Variants in BTBD16 observed in about 807,000 individuals in gnomAD.
The protein encoded by BTBD16 is BTB/POZ domain-containing protein 16.
BTBD16 carries 66 observed loss-of-function variants against 67.4 expected under a neutral mutation model. The ratio of observed to expected loss-of-function variants is 0.98; its 90% CI spans 0.80 to 1.20. The LOEUF is 1.20. Ranked by LOEUF, BTBD16 falls within the 50% of genes most tolerant of loss-of-function variation. BTBD16 has a pLI of 0.00. For synonymous variants in BTBD16, 242 were observed against 236.4 expected, an observed-to-expected ratio of 1.02 and a Z score of -0.22; for missense variants, 634 against 616.0, an observed-to-expected ratio of 1.03 and a Z score of -0.31.
intron 9 of BTBD16, among the ~76,000 whole-genome samples, chr10:122,302,769 G>A (rs1294095287): frequency 6.6e-6 from 1 of 152,170 alleles, no homozygotes; most frequent in Non-Finnish European, 1.5e-5. Context: ...AGAATATTCT[G>A]AGTGAGTTAC....
At chr10:122,295,864 C>T (rs910849888) in intron 7 of BTBD16, among the ~76,000 whole-genome samples, 9 of 152,070 alleles carry the variant, frequency 5.9e-5, no homozygotes, top group Non-Finnish European at 8.8e-5. Context: ...TGGCCATGAC[C>T]AGATTATTTA....
chr10:122,289,784 C>T, intron 5 of BTBD16, 125 bp from the exon 6 acceptor site: 1 of 566,802 alleles, frequency 1.8e-6, no homozygotes, highest in Non-Finnish European at 3.1e-6. Context: ...ATCTATGAAA[C>T]AAATAAAATA....
chr10:122,331,459 T>C (rs1443581768), intron 12 of BTBD16, among the ~76,000 whole-genome samples: 2 of 152,184 alleles, frequency 1.3e-5, no homozygotes, highest in African/African-American at 4.8e-5. Flanking sequence ...ATCCGGGTAG[T>C]TCGAGCTCCC....
chr10:122,309,020 C>T (rs923168081), intron 10 of BTBD16, among the ~76,000 whole-genome samples: 67 of 152,212 alleles, frequency 4.4e-4, no homozygotes, highest in African/African-American at 1.6e-3. Context: ...ATGTATATGT[C>T]CTGCCCCTCC....
At chr10:122,328,155 C>A (rs1004717358) in intron 10 of BTBD16, among the ~76,000 whole-genome samples, 3 of 152,180 alleles carry the variant, frequency 2.0e-5, no homozygotes, top group Admixed American at 2.0e-4. Flanking sequence ...AGGCTCAGAT[C>A]ATCTGAGGAA....
At chr10:122,287,190 A>G (rs1429737738) in intron 5 of BTBD16, among the ~76,000 whole-genome samples, 3 of 152,180 alleles carry the variant, frequency 2.0e-5, no homozygotes, top group South Asian at 4.1e-4. Context: ...GTGCTGGCTC[A>G]TGAGCCTCTG....
intron 10 of BTBD16, among the ~76,000 whole-genome samples, chr10:122,308,883 C>A (rs896101676): frequency 2.6e-5 from 4 of 152,196 alleles, no homozygotes; most frequent in African/African-American, 9.7e-5. Flanking sequence ...GCTCCTTCAC[C>A]TGGGGGTCTG....
chr10:122,307,840 C>A (rs993253066), intron 10 of BTBD16, among the ~76,000 whole-genome samples: 1 of 152,176 alleles, frequency 6.6e-6, no homozygotes, highest in Non-Finnish European at 1.5e-5. Flanking sequence ...CACGTCTTCA[C>A]GTAGTGACCT....
intron 10 of BTBD16, among the ~76,000 whole-genome samples, chr10:122,323,990 G>A (rs2096439900): frequency 6.6e-6 from 1 of 152,156 alleles, no homozygotes; most frequent in African/African-American, 2.4e-5. Flanking sequence ...GTAGATTCTG[G>A]CAATGAGCTT....
chr10:122,299,685 C>G (rs759427008), intron 9 of BTBD16, among the ~76,000 whole-genome samples: 1 of 152,020 alleles, frequency 6.6e-6, no homozygotes, highest in Non-Finnish European at 1.5e-5. Flanking sequence ...TAGTCCTGGA[C>G]GCCACTTTGA....
chr10:122,288,857 G>A (rs2096368687), intron 5 of BTBD16, among the ~76,000 whole-genome samples: 1 of 152,186 alleles, frequency 6.6e-6, no homozygotes, highest in Non-Finnish European at 1.5e-5. Flanking sequence ...GAGGGGCTAG[G>A]TGGGGGCATG....
chr10:122,291,955 C>T (rs746299950), intron 7 of BTBD16, among the ~76,000 whole-genome samples: 1 of 152,108 alleles, frequency 6.6e-6, no homozygotes, highest in Non-Finnish European at 1.5e-5. Context: ...GCTTCCTCAT[C>T]CTGACGAGGG....
chr10:122,324,073 T>C (rs1306663232), intron 10 of BTBD16, among the ~76,000 whole-genome samples: 26 of 152,138 alleles, frequency 1.7e-4, no homozygotes, highest in Admixed American at 1.7e-3. Context: ...ACTTCTAGAT[T>C]CCCCTGATTC....
At chr10:122,332,216 C>T (rs1196446153) in intron 12 of BTBD16, 4 of 524,120 alleles carry the variant, frequency 7.6e-6, no homozygotes, top group African/African-American at 3.8e-5. Context: ...TTTTTGTCTT[C>T]TCCTTGCATC....
intron 7 of BTBD16, 109 bp from the exon 8 acceptor site, chr10:122,297,659 C>T (rs964280182): frequency 9.1e-6 from 11 of 1,212,270 alleles, no homozygotes; most frequent in South Asian, 2.6e-5. Flanking sequence ...GGCTCCCTTC[C>T]GTTCAAAAGT....
At chr10:122,319,527 A>G (rs749045180) in intron 10 of BTBD16, among the ~76,000 whole-genome samples, 2 of 152,116 alleles carry the variant, frequency 1.3e-5, no homozygotes, top group Non-Finnish European at 2.9e-5. Context: ...TCAAACATCA[A>G]CCATATGTGT....
At chr10:122,293,981 C>T (rs890448397) in intron 7 of BTBD16, 1 of 249,056 alleles carries the variant, frequency 4.0e-6, no homozygotes, top group Non-Finnish European at 6.4e-6. Flanking sequence ...TCCCCTCCCC[C>T]CACCTTGTTT....
At position 122,301,691 on chromosome 10, in the gene BTBD16, C is replaced by T. The variant is rs182495836; in HGVS notation, c.791+2557C>T. ...TGCTTGTGAGTTTCAGGCTGCTGGC[C>T]GGTGGATTTGGCACCATGACCCACA... is the stretch of plus-strand genomic sequence containing the variant. On this transcript the variant is annotated intron_variant, in intron 9 of 15. Coordinates refer to ENST00000260723, the MANE Select transcript of BTBD16 (RefSeq NM_144587.5). Among the ~76,000 whole-genome samples, 110 of 152,242 alleles carry T rather than the reference C, an allele frequency of 7.2e-4. 1 individual carries two copies. Among genetic ancestry groups the T allele is most frequent in the African/African-American group, 1.8e-3 (76 of 41,536 alleles).
In BTBD16 at chr10:122,334,871, C is replaced by T. The variant is rs770029421; in HGVS notation, c.1165-10C>T. 6.7e-7 allele frequency: 1 copy of T among 1,502,356 alleles called. No individual in the cohort carries two copies. Among genetic ancestry groups the T allele is most frequent in the Non-Finnish European group, 9.2e-7 (1 of 1,083,132 alleles). 93.1% of individuals were successfully genotyped at this position (1,502,356 alleles called of 1,614,324 possible). On this transcript the variant is annotated splice_polypyrimidine_tract_variant and intron_variant, in intron 13 of 15. Coordinates refer to ENST00000260723, the MANE Select transcript of BTBD16 (RefSeq NM_144587.5). ...CCCCTTCACTTTGTTGTTTCTCTTT[C>T]CCAATTTAGGAGAATACAACTTATT... is the stretch of plus-strand genomic sequence containing the variant.
Sources: gnomAD v4.1 joint callset for allele counts (sites outside exome capture counted in the v4.1 genomes callset) on GRCh38, gnomAD v4.1.1 for gene constraint, MANE v1.5 for transcripts, NCBI Gene and HGNC (gene_info 2026-07-23, HGNC 2026-07-21) for gene names.